DDAH1: variants seen among roughly 807,000 people sequenced by gnomAD.
The protein encoded by DDAH1 is N(G),N(G)-dimethylarginine dimethylaminohydrolase 1.
Under a neutral mutation model 28.8 loss-of-function variants are expected in DDAH1, and 19 were observed. The observed-to-expected ratio is 0.66, with a 90% CI of 0.46 to 0.97. The LOEUF (loss-of-function observed/expected upper bound fraction) is 0.97. DDAH1 is among the 50% of genes least tolerant of loss of function. The probability of loss-of-function intolerance (pLI) is 0.00; values close to 1 mark genes in which losing one functional copy is unlikely to be tolerated. For missense variants in DDAH1, 326 were observed against 375.9 expected (o/e 0.87, Z 1.10); for synonymous variants, 153 against 154.4 (o/e 0.99, Z 0.07).
At chr1:85,544,349 T>G (rs1282583976) in intron 1 of DDAH1, among the ~76,000 whole-genome samples, 4 of 152,136 alleles carry the variant, frequency 2.6e-5, no homozygotes, top group Admixed American at 2.0e-4. Flanking sequence ...GTTTCCAAAT[T>G]CTTTCAGATG....
intron 1 of DDAH1, among the ~76,000 whole-genome samples, chr1:85,451,636 G>C (rs1349700847): frequency 6.6e-6 from 1 of 152,172 alleles, no homozygotes; most frequent in Non-Finnish European, 1.5e-5. Flanking sequence ...AGTCAAGCAA[G>C]TCTGCCTCCT....
intron 1 of DDAH1, among the ~76,000 whole-genome samples, chr1:85,361,067 C>T (rs1454005671): frequency 6.6e-6 from 1 of 152,134 alleles, no homozygotes; most frequent in Admixed American, 6.5e-5. Flanking sequence ...ACTGCAGGGC[C>T]ATATGGCATC....
chr1:85,459,829 T>C (rs1655052497), intron 1 of DDAH1, among the ~76,000 whole-genome samples: 1 of 152,244 alleles, frequency 6.6e-6, no homozygotes, highest in South Asian at 2.1e-4. Flanking sequence ...GAAAACAACA[T>C]ATTCTCATTT....
At chr1:85,349,591 G>A (rs1323055642) in intron 4 of DDAH1, among the ~76,000 whole-genome samples, 2 of 152,192 alleles carry the variant, frequency 1.3e-5, no homozygotes, top group Non-Finnish European at 2.9e-5. Context: ...ACTTGATCTA[G>A]TTTTCTCATC....
chr1:85,370,753 G>A (rs1498377), intron 1 of DDAH1, among the ~76,000 whole-genome samples: 44,291 of 151,934 alleles, frequency 0.29, 6,524 homozygotes, highest in Middle Eastern at 0.33. Context: ...TTAGATTTTT[G>A]TCTTGAGCAA....
Position 85,416,307 on chromosome 1 carries a change from T to C in DDAH1, c.303+48436A>G, listed in dbSNP as rs1652887091. On this transcript the variant is annotated intron_variant, in intron 1 of 5. Coordinates refer to ENST00000284031, the MANE Select transcript of DDAH1 (RefSeq NM_012137.4). ...CACTCCCGGGTTCAAGCGATTCTCCTGCCTCAGCCTCCTGAGTAGCTGGGA... is the reference window on the plus strand; with the variant it reads ...CACTCCCGGGTTCAAGCGATTCTCCCGCCTCAGCCTCCTGAGTAGCTGGGA... Among the ~76,000 whole-genome samples, 4 of 152,126 alleles carry C rather than the reference T, an allele frequency of 2.6e-5. No homozygotes were observed. In the South Asian group the frequency reaches 8.3e-4, roughly 32 times the overall value.
intron 2 of DDAH1, among the ~76,000 whole-genome samples, chr1:85,356,088 G>A (rs1281184071): frequency 6.6e-6 from 1 of 152,224 alleles, no homozygotes; most frequent in Non-Finnish European, 1.5e-5. Context: ...GGGTGTCTAT[G>A]GTCCTGGCAA....
At chr1:85,324,659 G>T (rs538965602) in intron 5 of DDAH1, 81 bp downstream of exon 5, 1,520 of 1,452,324 alleles carry the variant, frequency 1.0e-3, no homozygotes, top group Non-Finnish European at 1.3e-3. Context: ...GGAAAAGGAG[G>T]CTCCTATTGG....
intron 1 of DDAH1, among the ~76,000 whole-genome samples, chr1:85,422,123 G>GGGTGAGTAAAA (rs1653172593): frequency 1.3e-5 from 2 of 152,106 alleles, no homozygotes; most frequent in Non-Finnish European, 2.9e-5. Context: ...GGTGGGTAGT[G>GGGTGAGTAAAA]ATATCTCATT....
intron 5 of DDAH1, among the ~76,000 whole-genome samples, chr1:85,324,061 C>A (rs192358807): frequency 1.3e-3 from 194 of 150,790 alleles, no homozygotes; most frequent in Non-Finnish European, 2.5e-3. Context: ...CTTGAGCTCA[C>A]GAATTTGATA....
chr1:85,465,161 G>C, upstream of DDAH1: 1 of 1,152,144 alleles, frequency 8.7e-7, no homozygotes, highest in Non-Finnish European at 1.1e-6. Context: ...GCTGAATGTG[G>C]TGCAGAAGGA....
chr1:85,400,177 C>CTTTTTT lies in DDAH1; in HGVS notation c.304-41336_304-41331dup, dbSNP rs61677601. 1.6e-3 allele frequency among the ~76,000 whole-genome samples: 86 copies of CTTTTTT among 54,874 alleles called. 2 individuals are homozygous for CTTTTTT. The highest frequency in any genetic ancestry group is 3.6e-3 in the African/African-American group (68 of 18,696). 36.0% of individuals were successfully genotyped at this position (54,874 alleles called of 152,430 possible). A position where few individuals can be genotyped will look rare whatever the true frequency, so the allele number is the denominator to read the frequency against. On this transcript the variant is annotated intron_variant, in intron 1 of 5. Transcript: ENST00000284031. ...TGCAGGAATTCCTTTCTTTTCTTTT[C>CTTTTTT]TTTTTTTTTTTTTTTTTTTTTTTTT...
chr1:85,352,011 A>G lies in DDAH1; in HGVS notation c.404-432T>C, dbSNP rs1649242429. On this transcript the variant is annotated intron_variant, in intron 2 of 5. Transcript: ENST00000284031. ...ATAGGAATGAAATTTTTATTTAGGC[A>G]ATAATAAACACATTGATAATCTCTG... is the stretch of plus-strand genomic sequence containing the variant. Among the ~76,000 whole-genome samples the G allele has an allele frequency of 4.6e-5, 7 of 152,242 alleles. No homozygotes were observed. In the South Asian group the frequency reaches 1.4e-3, roughly 31 times the overall value.
At chr1:85,432,270 A>G (rs1653719599) in intron 1 of DDAH1, among the ~76,000 whole-genome samples, 1 of 152,060 alleles carries the variant, frequency 6.6e-6, no homozygotes. Context: ...TTCATCTCCC[A>G]TTTTTCTTTT....
At chr1:85,372,272 T>C (rs1650423536) in intron 1 of DDAH1, among the ~76,000 whole-genome samples, 1 of 152,168 alleles carries the variant, frequency 6.6e-6, no homozygotes, top group Non-Finnish European at 1.5e-5. Flanking sequence ...TGCTTATAAA[T>C]ATTAAGTAAA....
intron 4 of DDAH1, among the ~76,000 whole-genome samples, chr1:85,335,353 T>G (rs1265345220): frequency 6.6e-6 from 1 of 152,044 alleles, no homozygotes; most frequent in Non-Finnish European, 1.5e-5. Context: ...CTGTGACCTA[T>G]CCAAAGTAAT....
At chr1:85,514,668 C>T (rs375767196) in intron 1 of DDAH1, among the ~76,000 whole-genome samples, 2 of 149,814 alleles carry the variant, frequency 1.3e-5, no homozygotes, top group South Asian at 2.1e-4. Context: ...TTGGGTATTA[C>T]TATGGACTAA....
chr1:85,513,709 T>C (rs576546471), intron 1 of DDAH1, among the ~76,000 whole-genome samples: 8 of 152,116 alleles, frequency 5.3e-5, no homozygotes, highest in Non-Finnish European at 1.2e-4. Context: ...AACAGACACT[T>C]CTCAAAAGAA....
chr1:85,377,733 G>GAC (rs942680256), intron 1 of DDAH1, among the ~76,000 whole-genome samples: 3 of 131,564 alleles, frequency 2.3e-5, no homozygotes, highest in Admixed American at 1.7e-4. Flanking sequence ...CATACAAGTA[G>GAC]ACACACACAC....
Sources: gnomAD v4.1 joint callset for allele counts (sites outside exome capture counted in the v4.1 genomes callset) on GRCh38, gnomAD v4.1.1 for gene constraint, MANE v1.5 for transcripts, NCBI Gene and HGNC (gene_info 2026-07-23, HGNC 2026-07-21) for gene names.